MARCHF11: variants seen among roughly 807,000 people sequenced by gnomAD.
MARCHF11 encodes membrane associated ring-CH-type finger 11.
MARCHF11 carries 29 observed loss-of-function variants against 37.3 expected under a neutral mutation model. The observed-to-expected ratio is 0.78, with a 90% CI of 0.58 to 1.06. The LOEUF (loss-of-function observed/expected upper bound fraction) is 1.06. Ranked by LOEUF, MARCHF11 falls within the 50% of genes least tolerant of loss-of-function variation. MARCHF11 has a pLI of 0.00. For synonymous variants in MARCHF11, 233 were observed against 228.0 expected (o/e 1.02, Z -0.20); for missense variants, 482 against 533.4 (o/e 0.90, Z 0.95).
intron 2 of MARCHF11, among the ~76,000 whole-genome samples, chr5:16,103,200 C>T (rs370678399): frequency 2.8e-4 from 42 of 151,844 alleles, no homozygotes; most frequent in African/African-American, 9.2e-4. Context: ...TGGTGCTTGA[C>T]GAATGGAGAA....
At chr5:16,139,674 C>T (rs891814579) in intron 2 of MARCHF11, among the ~76,000 whole-genome samples, 1 of 152,128 alleles carries the variant, frequency 6.6e-6, no homozygotes, top group Admixed American at 6.5e-5. Context: ...GTATAATTCA[C>T]AATGAACATC....
chr5:16,152,614 G>A (rs1215905237), intron 2 of MARCHF11, among the ~76,000 whole-genome samples: 3 of 151,850 alleles, frequency 2.0e-5, no homozygotes, highest in Non-Finnish European at 2.9e-5. Context: ...AGCCCAAGAC[G>A]TTTCATCACT....
chr5:16,137,316 A>C (rs1737625892), intron 2 of MARCHF11, among the ~76,000 whole-genome samples: 1 of 152,206 alleles, frequency 6.6e-6, no homozygotes. Context: ...ATGGTAGTGA[A>C]TAAGTCTCAT....
chr5:16,090,439 T>TA (rs1432559576), intron 3 of MARCHF11, among the ~76,000 whole-genome samples: 1 of 152,156 alleles, frequency 6.6e-6, no homozygotes, highest in Non-Finnish European at 1.5e-5. Flanking sequence ...TTTCTGCCCT[T>TA]AGAGAATCTG....
chr5:16,077,632 G>A (rs946902464), intron 3 of MARCHF11, among the ~76,000 whole-genome samples: 3 of 152,112 alleles, frequency 2.0e-5, no homozygotes, highest in African/African-American at 7.2e-5. Flanking sequence ...CATGACATCA[G>A]TAAGATGCTT....
chr5:16,110,908 T>C (rs1160799939), intron 2 of MARCHF11, among the ~76,000 whole-genome samples: 1 of 152,160 alleles, frequency 6.6e-6, no homozygotes, highest in Admixed American at 6.5e-5. Context: ...AACTGAATCA[T>C]GGGGGTGGTT....
chr5:16,174,614 C>T (rs171058), intron 2 of MARCHF11, among the ~76,000 whole-genome samples: 152,079 of 152,362 alleles, frequency 1, 75,898 homozygotes, highest in Middle Eastern at 1. Flanking sequence ...AAATACAACA[C>T]GGTAATACTT....
intron 2 of MARCHF11, among the ~76,000 whole-genome samples, chr5:16,105,353 T>A (rs1415689430): frequency 6.6e-6 from 1 of 152,212 alleles, no homozygotes. Context: ...CTTTGAATAA[T>A]ATTTTAACAT....
intron 2 of MARCHF11, among the ~76,000 whole-genome samples, chr5:16,113,133 C>T (rs528847690): frequency 6.6e-6 from 1 of 152,102 alleles, no homozygotes; most frequent in African/African-American, 2.4e-5. Flanking sequence ...CCAAGAAATG[C>T]ATGATATATT....
chr5:16,086,477 G>C (rs1483653210), intron 3 of MARCHF11, among the ~76,000 whole-genome samples: 1 of 152,176 alleles, frequency 6.6e-6, no homozygotes, highest in Non-Finnish European at 1.5e-5. Context: ...GTGTTTTTAA[G>C]TGTTATAAAC....
intron 2 of MARCHF11, among the ~76,000 whole-genome samples, chr5:16,123,112 G>C (rs1036055384): frequency 2.6e-5 from 4 of 152,262 alleles, no homozygotes; most frequent in African/African-American, 9.6e-5. Flanking sequence ...CTTCTTGTCT[G>C]TTCAATTTAT....
chr5:16,092,288 T>C (rs1243794698), intron 2 of MARCHF11, among the ~76,000 whole-genome samples: 2 of 152,232 alleles, frequency 1.3e-5, no homozygotes, highest in African/African-American at 4.8e-5. Flanking sequence ...ATATTCATGA[T>C]ACTATTAAAT....
At chr5:16,122,008 C>T (rs1368741527) in intron 2 of MARCHF11, among the ~76,000 whole-genome samples, 1 of 152,108 alleles carries the variant, frequency 6.6e-6, no homozygotes, top group Admixed American at 6.6e-5. Context: ...TTTAATTCTC[C>T]TAGAAACTAG....
intron 2 of MARCHF11, among the ~76,000 whole-genome samples, chr5:16,149,853 T>TA (rs929153037): frequency 1.3e-5 from 2 of 151,980 alleles, no homozygotes; most frequent in African/African-American, 4.8e-5. Flanking sequence ...TACACAGCAA[T>TA]AAAAAAGAGC....
At chr5:16,070,337 C>T (rs1229945377) in intron 3 of MARCHF11, among the ~76,000 whole-genome samples, 3 of 152,182 alleles carry the variant, frequency 2.0e-5, no homozygotes, top group Admixed American at 2.0e-4. Flanking sequence ...AATTCATCAA[C>T]TATGAAGCCC....
chr5:16,090,190 G>A (rs1736768826), intron 3 of MARCHF11, among the ~76,000 whole-genome samples: 1 of 152,152 alleles, frequency 6.6e-6, no homozygotes, highest in Admixed American at 6.5e-5. Flanking sequence ...CCATCGCGAT[G>A]CCTGTGCACC....
intron 2 of MARCHF11, among the ~76,000 whole-genome samples, chr5:16,091,864 G>C (rs1361106880): frequency 6.6e-6 from 1 of 152,140 alleles, no homozygotes; most frequent in East Asian, 1.9e-4. Context: ...ATTGACTGGA[G>C]AGAATTAATT....
intron 2 of MARCHF11, among the ~76,000 whole-genome samples, chr5:16,160,486 T>G (rs1214034418): frequency 2.7e-5 from 4 of 149,760 alleles, no homozygotes; most frequent in Non-Finnish European, 5.9e-5. Flanking sequence ...GTTATAATTA[T>G]CTTTTACTTA....
At chr5:16,075,061 T>A (rs1736495080) in intron 3 of MARCHF11, among the ~76,000 whole-genome samples, 1 of 152,208 alleles carries the variant, frequency 6.6e-6, no homozygotes, top group African/African-American at 2.4e-5. Context: ...TCTCATCTTT[T>A]ACTAATTGGC....
Sources: gnomAD v4.1 joint callset for allele counts (sites outside exome capture counted in the v4.1 genomes callset) on GRCh38, gnomAD v4.1.1 for gene constraint, MANE v1.5 for transcripts, NCBI Gene and HGNC (gene_info 2026-07-23, HGNC 2026-07-21) for gene names.